The following LPP variants were observed in gnomAD, a reference collection of about 807,000 sequenced individuals.
The protein encoded by LPP is LIM domain containing preferred translocation partner in lipoma.
A neutral mutation model predicts 60.4 loss-of-function variants in LPP; 38 were observed. The observed-to-expected ratio is 0.63, with a 90% CI of 0.49 to 0.83. LPP has a LOEUF of 0.83. LPP is among the 40% of genes least tolerant of loss of function. The pLI is 0.00. For synonymous variants in LPP, 328 were observed against 290.8 expected, an observed-to-expected ratio of 1.13 and a Z score of -1.30; for missense variants, 902 against 783.6, an observed-to-expected ratio of 1.15 and a Z score of -1.80.
At chr3:188,164,723 T>A (rs1358232594) in intron 1 of LPP, among the ~76,000 whole-genome samples, 1 of 152,178 alleles carries the variant, frequency 6.6e-6, no homozygotes, top group African/African-American at 2.4e-5. Flanking sequence ...CTCTTCTTGG[T>A]CATAGTTTAA....
At chr3:188,566,458 T>G in intron 6 of LPP, among the ~76,000 whole-genome samples, 1 of 151,920 alleles carries the variant, frequency 6.6e-6, no homozygotes, top group Non-Finnish European at 1.5e-5. Flanking sequence ...ATAACTCAGA[T>G]TTAAAAATAT....
intron 10 of LPP, among the ~76,000 whole-genome samples, chr3:188,868,429 T>G (rs1767218258): frequency 6.6e-6 from 1 of 152,186 alleles, no homozygotes. Context: ...AAAAGCAGAC[T>G]TGAGCAACTA....
In LPP at chr3:188,864,572, A is replaced by C. The variant is rs1182262902; in HGVS notation, c.1411-1628A>C. On this transcript the variant is annotated intron_variant, in intron 9 of 11. Coordinates refer to ENST00000617246, the MANE Select transcript of LPP (RefSeq NM_001375462.1). ...GCTCAGGAATGGGAGAGAAAGAAGC[A>C]ATTCATTCCAAGTGGGACCATTGAG... Among the ~76,000 whole-genome samples the C allele has an allele frequency of 3.3e-5, 5 of 152,254 alleles. 1 individual carries two copies.
intron 9 of LPP, among the ~76,000 whole-genome samples, chr3:188,842,557 G>T (rs1382382448): frequency 1.3e-5 from 2 of 152,134 alleles, no homozygotes; most frequent in Admixed American, 6.5e-5. Context: ...GGTTGCCTGT[G>T]TTTGTGGGGT....
At chr3:188,700,367 C>A (rs575379222) in intron 7 of LPP, among the ~76,000 whole-genome samples, 3 of 152,214 alleles carry the variant, frequency 2.0e-5, no homozygotes, top group South Asian at 2.1e-4. Context: ...ACTCAGGGGG[C>A]TGACATTGCG....
intron 7 of LPP, among the ~76,000 whole-genome samples, chr3:188,655,035 G>A (rs1298227233): frequency 6.6e-6 from 1 of 152,104 alleles, no homozygotes; most frequent in East Asian, 1.9e-4. Flanking sequence ...AAATAAAATG[G>A]CACCAGTTAT....
chr3:188,790,696 C>T (rs1274542147), intron 9 of LPP, among the ~76,000 whole-genome samples: 2 of 151,880 alleles, frequency 1.3e-5, no homozygotes, highest in African/African-American at 4.8e-5. Flanking sequence ...GTGGCGGGCA[C>T]CTGTAATCCC....
chr3:188,232,500 G>A (rs772073140), intron 2 of LPP, among the ~76,000 whole-genome samples: 110 of 137,152 alleles, frequency 8.0e-4, no homozygotes, highest in Non-Finnish European at 1.3e-3. Context: ...CATCACACCC[G>A]GCTATTTTTT....
chr3:188,406,834 G>A (rs1312825648), intron 4 of LPP, among the ~76,000 whole-genome samples: 3 of 152,144 alleles, frequency 2.0e-5, no homozygotes, highest in Non-Finnish European at 4.4e-5. Flanking sequence ...ATCTGCATTT[G>A]TTGAATCTCC....
chr3:188,859,076 G>C (rs1477762293), intron 9 of LPP, among the ~76,000 whole-genome samples: 1 of 130,322 alleles, frequency 7.7e-6, no homozygotes, highest in Non-Finnish European at 1.6e-5. Context: ...GTGACAGAGT[G>C]AGACTCTGTC....
At chr3:188,368,922 T>C (rs1026904372) in intron 3 of LPP, among the ~76,000 whole-genome samples, 8 of 151,990 alleles carry the variant, frequency 5.3e-5, no homozygotes, top group Non-Finnish European at 1.0e-4. Context: ...AAAGAGAGGG[T>C]CACCCGCCAC....
intron 2 of LPP, among the ~76,000 whole-genome samples, chr3:188,272,122 T>C (rs1054190052): frequency 6.6e-6 from 1 of 152,206 alleles, no homozygotes; most frequent in Non-Finnish European, 1.5e-5. Flanking sequence ...TGTGTTCTGA[T>C]GACAGCTGTG....
In LPP at chr3:188,634,020, A is replaced by C. The variant is rs1463221266; in HGVS notation, c.1113+24176A>C. On this transcript the variant is annotated intron_variant, in intron 7 of 11. Coordinates refer to ENST00000617246, the MANE Select transcript of LPP (RefSeq NM_001375462.1). ...TACCATCAGTCTGTCGGTCAACACA[A>C]GATATATTTTAAGGGGATCTACACA... Among the ~76,000 whole-genome samples, 3 of 148,936 alleles carry C rather than the reference A, an allele frequency of 2.0e-5. No homozygotes were observed. In the East Asian group the frequency reaches 6.0e-4, roughly 30 times the overall value.
intron 4 of LPP, among the ~76,000 whole-genome samples, chr3:188,428,479 A>G (rs906104947): frequency 1.3e-5 from 2 of 152,030 alleles, no homozygotes; most frequent in African/African-American, 4.8e-5. Flanking sequence ...GTGGTTCTCT[A>G]TCCTCTTAAC....
chr3:188,355,132 C>A (rs1767196244), intron 3 of LPP, among the ~76,000 whole-genome samples: 2 of 152,090 alleles, frequency 1.3e-5, no homozygotes. Flanking sequence ...CCTCAGCCTC[C>A]CGAGTAGCTG....
chr3:188,870,836 G>T (rs1471944636), intron 10 of LPP, among the ~76,000 whole-genome samples: 1 of 152,168 alleles, frequency 6.6e-6, no homozygotes, highest in Non-Finnish European at 1.5e-5. Context: ...AGGCCAATTG[G>T]TAGGAAAGAA....
chr3:188,455,357 T>C (rs12492561), intron 4 of LPP, among the ~76,000 whole-genome samples: 15,320 of 152,174 alleles, frequency 0.1, 927 homozygotes, highest in East Asian at 0.28. Context: ...TTCATGTAAA[T>C]AGAATATGCG....
chr3:188,373,349 C>T (rs537812910), intron 3 of LPP, among the ~76,000 whole-genome samples: 2 of 152,306 alleles, frequency 1.3e-5, no homozygotes, highest in South Asian at 4.1e-4. Context: ...CCTATTTCTC[C>T]ACATCTTCTC....
chr3:188,473,887 T>C (rs2149548440), intron 4 of LPP, among the ~76,000 whole-genome samples: 1 of 152,274 alleles, frequency 6.6e-6, no homozygotes, highest in Middle Eastern at 3.4e-3. Context: ...CATAACCAGG[T>C]GGTGACTTGA....
Sources: allele counts gnomAD v4.1 joint callset (sites outside exome capture counted in the v4.1 genomes callset), GRCh38; gene constraint gnomAD v4.1.1; transcripts MANE v1.5; gene names NCBI Gene and HGNC (gene_info 2026-07-23, HGNC 2026-07-21).